Variants in FBXW11 observed in about 807,000 individuals in gnomAD.
FBXW11 encodes the protein F-box/WD repeat-containing protein 11.
Under a neutral mutation model 77.6 loss-of-function variants are expected in FBXW11, and 19 were observed. The ratio of observed to expected loss-of-function variants is 0.24; its 90% confidence interval spans 0.17 to 0.36. FBXW11 has a LOEUF of 0.36. FBXW11 is among the 10% of genes least tolerant of loss of function. FBXW11 has a pLI of 1.00. For synonymous variants in FBXW11, 235 were observed against 249.4 expected, an observed-to-expected ratio of 0.94 and a Z score of 0.54; for missense variants, 334 against 704.2, an observed-to-expected ratio of 0.47 and a Z score of 5.95.
chr5:171,872,779 T>C (rs1757834068), intron 10 of FBXW11, 93 bp downstream of exon 10: 1 of 878,574 alleles, frequency 1.1e-6, no homozygotes, highest in African/African-American at 1.7e-5. Flanking sequence ...ACATCCCATT[T>C]ACCCTGAGTT....
chr5:171,885,957 T>A (rs1049963667), intron 7 of FBXW11, among the ~76,000 whole-genome samples: 37 of 152,220 alleles, frequency 2.4e-4, no homozygotes, highest in Non-Finnish European at 3.5e-4. Context: ...CTGGTCTAGA[T>A]AATCTCTTCA....
At chr5:171,864,653 A>G (rs944752242) in intron 13 of FBXW11, among the ~76,000 whole-genome samples, 5 of 152,226 alleles carry the variant, frequency 3.3e-5, no homozygotes, top group Non-Finnish European at 7.3e-5. Context: ...TAAGTAAATC[A>G]TTGGTAAAAC....
intron 7 of FBXW11, among the ~76,000 whole-genome samples, chr5:171,884,409 T>C (rs1758737610): frequency 1.3e-5 from 2 of 152,234 alleles, no homozygotes; most frequent in African/African-American, 2.4e-5. Context: ...ATCCCTATTT[T>C]TGTACCAGTA....
At chr5:171,933,849 A>G (rs1458805024) in intron 2 of FBXW11, among the ~76,000 whole-genome samples, 11 of 151,992 alleles carry the variant, frequency 7.2e-5, no homozygotes, top group African/African-American at 2.7e-4. Context: ...ATTTTCATCT[A>G]TTTAAAAAAA....
rs146776480 is a variant in FBXW11, at chr5:171,889,312, G to A, written c.852+2155C>T. On this transcript the variant is annotated intron_variant, in intron 7 of 13. Transcript: ENST00000517395. The stretch of plus-strand genomic sequence containing the variant: ...GGAGGCCAAGGTAGGCAGATCACCT[G>A]AGGCCAGGAGTTCAAGACCAGCCGG... Among the ~76,000 whole-genome samples, 824 of 151,936 alleles carry A rather than the reference G, an allele frequency of 5.4e-3. 4 individuals carry two copies. Among genetic ancestry groups the A allele is most frequent in the Middle Eastern group, 0.01 (3 of 290 alleles).
intron 2 of FBXW11, among the ~76,000 whole-genome samples, chr5:171,926,729 G>A (rs1013283480): frequency 6.6e-6 from 1 of 152,100 alleles, no homozygotes; most frequent in Non-Finnish European, 1.5e-5. Flanking sequence ...CCAATCTCAG[G>A]TATTTCTTTA....
In FBXW11 at chr5:171,957,618, C is replaced by T. The variant is rs372360784; in HGVS notation, c.126G>A (p.Met42Ile). The T allele has an allele frequency of 6.2e-7, 1 of 1,614,038 alleles. No homozygotes were observed. The highest frequency in any genetic ancestry group is 1.3e-5 in the African/African-American group (1 of 74,952). ...SMCALSCLQS[M>I]PSVRCLQNTS... ...GCACCTGGAGACATCTGACACTGGG[C>T]ATGCTCTGCAGGCAACTCAGTGCGC... The change falls in exon 2 of 14, where the codon ATG becomes ATA. Residue 42 changes from methionine (M) to isoleucine (I), a missense_variant. This residue lies in a region of FBXW11 where 80 missense variants were observed against 105.1 expected (regional missense o/e 0.76). Transcript: ENST00000517395.
At chr5:171,980,697 A>G (rs1323522406) in intron 1 of FBXW11, among the ~76,000 whole-genome samples, 2 of 152,238 alleles carry the variant, frequency 1.3e-5, no homozygotes, top group Non-Finnish European at 2.9e-5. Context: ...ACTAGGATGT[A>G]GAGCAACTAA....
intron 4 of FBXW11, 49 bp downstream of exon 4, chr5:171,910,523 G>A (rs752676275): frequency 2.2e-6 from 3 of 1,363,982 alleles, no homozygotes; most frequent in Middle Eastern, 2.1e-4. Flanking sequence ...AGGTCCTTGG[G>A]CCGGGCATTC....
chr5:171,946,541 C>A (rs1763018625), intron 2 of FBXW11, among the ~76,000 whole-genome samples: 1 of 152,172 alleles, frequency 6.6e-6, no homozygotes, highest in Admixed American at 6.5e-5. Flanking sequence ...CACATTCCAG[C>A]CAGACATTAG....
intron 1 of FBXW11, among the ~76,000 whole-genome samples, chr5:171,973,666 TTTAG>T (rs555882240): frequency 3.9e-5 from 6 of 152,238 alleles, no homozygotes; most frequent in Non-Finnish European, 8.8e-5. Context: ...AATCTTGGAC[TTTAG>T]TTAATAATAA....
intron 1 of FBXW11, among the ~76,000 whole-genome samples, chr5:171,975,928 T>C (rs772761265): frequency 1.1e-4 from 17 of 152,222 alleles, no homozygotes; most frequent in Non-Finnish European, 2.2e-4. Context: ...TTGGGAAATG[T>C]TGGGAAACAC....
intron 7 of FBXW11, among the ~76,000 whole-genome samples, chr5:171,878,596 G>C (rs796484059): frequency 0.06 from 7,933 of 133,180 alleles, 332 homozygotes; most frequent in Middle Eastern, 0.13. Context: ...GTGTGTAAGA[G>C]AGAGAGAGTG....
Position 171,876,438 on chromosome 5 carries a change from G to C in FBXW11, c.1068C>G (p.Thr356=), listed in dbSNP as rs199594215. The change falls in exon 9 of 14, where the codon ACC becomes ACG. Residue 356 remains threonine, a synonymous_variant. Coordinates refer to ENST00000517395, the MANE Select transcript of FBXW11 (RefSeq NM_001378974.1). The surrounding 1 kb of genome is among the most constrained non-coding windows in gnomAD (Gnocchi z 4.2). Reference sequence around the variant, plus strand: ...CAGCAATGGAGCGGTCCTTGGAACAGGTCACCATCAGTCCATTGCTGAAGC... The same window carrying C: ...CAGCAATGGAGCGGTCCTTGGAACACGTCACCATCAGTCCATTGCTGAAGC... ...HLRFSNGLMV[T]CSKDRSIAVW... The C allele has an allele frequency of 3.1e-6, 5 of 1,614,004 alleles. No homozygotes were observed. In the African/African-American group the frequency reaches 5.3e-5, roughly 17 times the overall value.
intron 2 of FBXW11, among the ~76,000 whole-genome samples, chr5:171,925,435 A>C (rs923237528): frequency 1.2e-4 from 18 of 152,184 alleles, no homozygotes; most frequent in East Asian, 1.2e-3. Context: ...AACAAACAAA[A>C]AAAACAGTAT....
intron 1 of FBXW11, among the ~76,000 whole-genome samples, chr5:171,967,017 TTCTTCCCTTATC>T (rs1764226397): frequency 6.6e-6 from 1 of 152,220 alleles, no homozygotes; most frequent in Non-Finnish European, 1.5e-5. Flanking sequence ...AATCCCTGCT[TTCTTCCCTTATC>T]TATAATTGCC....
At chr5:171,989,894 T>C (rs1034132605) in intron 1 of FBXW11, among the ~76,000 whole-genome samples, 4 of 152,212 alleles carry the variant, frequency 2.6e-5, no homozygotes, top group Non-Finnish European at 5.9e-5. Flanking sequence ...GCATAAAGTA[T>C]ATGTGATTAT....
chr5:171,926,279 T>C (rs1331352793), intron 2 of FBXW11, among the ~76,000 whole-genome samples: 1 of 152,184 alleles, frequency 6.6e-6, no homozygotes, highest in Non-Finnish European at 1.5e-5. Flanking sequence ...TCTCTGTGCC[T>C]ATGTCCTCAT....
Position 172,003,232 on chromosome 5 carries a change from G to A in FBXW11, c.45+3226C>T, listed in dbSNP as rs149558200. The A allele has an allele frequency of 1.7e-3, 265 of 152,302 alleles. 2 individuals are homozygous for A. Among genetic ancestry groups the A allele is most frequent in the African/African-American group, 6.1e-3 (255 of 41,568 alleles). The allele number at this position is 152,302 out of a possible 1,614,324, so 9.4% of individuals were successfully genotyped here. A position where few individuals can be genotyped will look rare whatever the true frequency, so the allele number is the denominator to read the frequency against. The stretch of plus-strand genomic sequence containing the variant: ...TCCTAAAGTGATAGCATCAATTTCT[G>A]CTGGCTTCTTACAGGGTAATCTAAT... On this transcript the variant is annotated intron_variant, in intron 1 of 13. Coordinates refer to ENST00000517395, the MANE Select transcript of FBXW11 (RefSeq NM_001378974.1).
Sources: gnomAD v4.1 joint callset for allele counts (sites outside exome capture counted in the v4.1 genomes callset) on GRCh38, gnomAD v4.1.1 for gene constraint, gnomAD v4.1.1 regional missense constraint, Gnocchi (gnomAD v3.1) non-coding constraint, MANE v1.5 for transcripts, NCBI Gene and HGNC (gene_info 2026-07-23, HGNC 2026-07-21) for gene names.